Variants in MPP4 observed in about 807,000 individuals in gnomAD.
MPP4 encodes the protein MAGUK p55 subfamily member 4.
In MPP4, 91 loss-of-function variants were observed where a neutral mutation model predicts 98.3. The ratio of observed to expected loss-of-function variants is 0.93; its 90% CI spans 0.78 to 1.10. MPP4 has a LOEUF of 1.10. Among genes scored for constraint, MPP4 ranks in the 50% least tolerant of loss-of-function variants. The pLI is 0.00. For missense variants in MPP4, 744 were observed against 792.9 expected (o/e 0.94, Z 0.74); for synonymous variants, 261 against 271.8 (o/e 0.96, Z 0.39).
intron 10 of MPP4, chr2:201,679,950 A>G (rs1014677161): frequency 3.3e-5 from 5 of 152,242 alleles, no homozygotes; most frequent in African/African-American, 1.2e-4. Context: ...CCAGTGGTCA[A>G]TTCTCAGCCT....
chr2:201,648,129 TC>T (rs1452552315), intron 20 of MPP4, among the ~76,000 whole-genome samples: 1 of 152,220 alleles, frequency 6.6e-6, no homozygotes, highest in African/African-American at 2.4e-5. Context: ...TTCAAGCAAT[TC>T]TTGTGCCTCA....
intron 12 of MPP4, among the ~76,000 whole-genome samples, chr2:201,667,904 CATGGTTG>C (rs1688228808): frequency 3.9e-5 from 6 of 152,060 alleles, no homozygotes; most frequent in African/African-American, 1.4e-4. Flanking sequence ...AAACGAGTGG[CATGGTTG>C]AGATTTTCTG....
chr2:201,683,414 A>G (rs998293300), intron 7 of MPP4, among the ~76,000 whole-genome samples: 2 of 152,210 alleles, frequency 1.3e-5, no homozygotes, highest in African/African-American at 2.4e-5. Flanking sequence ...AAAATTCAAG[A>G]AAGGTGTCAA....
chr2:201,681,427 G>A (rs780402408), intron 9 of MPP4, 69 bp downstream of exon 9: 26 of 1,214,972 alleles, frequency 2.1e-5, no homozygotes, highest in South Asian at 7.5e-5. Flanking sequence ...GGATTATTAC[G>A]CATCATATTT....
At chr2:201,655,463 T>C (rs971505935) in intron 17 of MPP4, among the ~76,000 whole-genome samples, 5 of 152,214 alleles carry the variant, frequency 3.3e-5, no homozygotes, top group Non-Finnish European at 1.5e-5. Flanking sequence ...TTCTCTACTA[T>C]TGCATCTTGA....
chr2:201,656,077 A>C, intron 17 of MPP4, 121 bp downstream of exon 17: 1 of 1,121,074 alleles, frequency 8.9e-7, no homozygotes, highest in Non-Finnish European at 1.2e-6. Context: ...TTTTTAAAAA[A>C]GGTATTTGTA....
chr2:201,655,989 C>T lies in MPP4; in HGVS notation c.1300+209G>A, dbSNP rs571503591. 5.3e-4 allele frequency among the ~76,000 whole-genome samples: 80 copies of T among 152,276 alleles called. 1 individual carries two copies. The highest frequency in any genetic ancestry group is 1.9e-3 in the African/African-American group (78 of 41,576). ...ATAGTTCATGGACACCATGTCATAA[C>T]ACATTCACTTGTAGATTTTTTAAAA... On this transcript the variant is annotated intron_variant, in intron 17 of 21. Coordinates refer to ENST00000409474, the MANE Select transcript of MPP4 (RefSeq NM_033066.3).
chr2:201,696,896 GCTC>G (rs1288340933), intron 1 of MPP4, among the ~76,000 whole-genome samples: 6 of 152,252 alleles, frequency 3.9e-5, no homozygotes, highest in South Asian at 2.1e-4. Flanking sequence ...ACTGTGCTTG[GCTC>G]CTCATCTTCA....
chr2:201,670,920 AG>A (rs1459647745), intron 11 of MPP4, among the ~76,000 whole-genome samples: 2 of 152,196 alleles, frequency 1.3e-5, no homozygotes, highest in Non-Finnish European at 2.9e-5. Context: ...AAACCAAAGC[AG>A]GGTGGGGTGT....
intron 14 of MPP4, among the ~76,000 whole-genome samples, chr2:201,662,866 T>C (rs1688066016): frequency 6.6e-6 from 1 of 152,200 alleles, no homozygotes; most frequent in Non-Finnish European, 1.5e-5. Context: ...GGATAAGTCA[T>C]GTTAACATGC....
At chr2:201,666,571 A>C in intron 12 of MPP4, 199 bp from the exon 13 acceptor site, 1 of 449,896 alleles carries the variant, frequency 2.2e-6, no homozygotes, top group Non-Finnish European at 4.0e-6. Context: ...AAAAAACAAA[A>C]ATTAGTCGGG....
intron 11 of MPP4, among the ~76,000 whole-genome samples, chr2:201,672,954 T>A (rs1688386599): frequency 6.6e-6 from 1 of 152,178 alleles, no homozygotes; most frequent in South Asian, 2.1e-4. Context: ...TGAACATCGA[T>A]GGGAAAATCC....
chr2:201,685,668 A>G (rs1688808278), intron 6 of MPP4, among the ~76,000 whole-genome samples: 2 of 152,252 alleles, frequency 1.3e-5, no homozygotes, highest in South Asian at 4.1e-4. Context: ...ATTTCTCACA[A>G]AAATGTCTTA....
chr2:201,678,538 A>T (rs1688579383), intron 10 of MPP4, among the ~76,000 whole-genome samples: 1 of 151,958 alleles, frequency 6.6e-6, no homozygotes, highest in Non-Finnish European at 1.5e-5. Context: ...GTGCTGGTGA[A>T]ATAGCTCTGG....
rs878911764 is a variant in MPP4 at position 201,698,477 on chromosome 2, G to T, written c.-101+110C>A. 11 of 754,428 alleles carry T rather than the reference G, an allele frequency of 1.5e-5. No individual in the cohort carries two copies. In the South Asian group the frequency reaches 1.6e-4, roughly 11 times the overall value. The allele number at this position is 754,428 out of a possible 1,614,324, so 46.7% of individuals were successfully genotyped here. A position where few individuals can be genotyped will look rare whatever the true frequency, so the allele number is the denominator to read the frequency against. On this transcript the variant is annotated intron_variant, in intron 1 of 21. Transcript: ENST00000409474. The stretch of plus-strand genomic sequence containing the variant: ...GAGTTAAAATGAAACTAAGCCATTT[G>T]AGTTAGATTACCCAGATTTATATCT...
chr2:201,683,627 CTGTAA>C (rs1393159436), intron 7 of MPP4, among the ~76,000 whole-genome samples: 3 of 152,014 alleles, frequency 2.0e-5, no homozygotes, highest in African/African-American at 7.2e-5. Context: ...AGGTACATGC[CTGTAA>C]TCCCAGCTGC....
chr2:201,656,691 C>G (rs2105916094), intron 16 of MPP4, among the ~76,000 whole-genome samples: 1 of 152,226 alleles, frequency 6.6e-6, no homozygotes, highest in Non-Finnish European at 1.5e-5. Context: ...AAAATAAGTA[C>G]TCATAAGAAG....
At chr2:201,646,852 A>G (rs1393928408) in intron 21 of MPP4, 2 of 152,338 alleles carry the variant, frequency 1.3e-5, no homozygotes, top group African/African-American at 4.8e-5. Context: ...AATAAATTCT[A>G]GAGCTCTGTT....
chr2:201,687,172 C>G (rs1340344369), intron 5 of MPP4, 119 bp downstream of exon 5: 16 of 816,806 alleles, frequency 2.0e-5, no homozygotes, highest in Non-Finnish European at 2.8e-5. Flanking sequence ...TGGTCAGTAA[C>G]CGTGTACAGT....
Sources: allele counts gnomAD v4.1 joint callset (sites outside exome capture counted in the v4.1 genomes callset), GRCh38; gene constraint gnomAD v4.1.1; transcripts MANE v1.5; gene names NCBI Gene and HGNC (gene_info 2026-07-23, HGNC 2026-07-21).